Variants in MYLK observed in about 807,000 individuals in gnomAD.
MYLK encodes myosin light chain kinase, smooth muscle.
A neutral mutation model predicts 203.4 loss-of-function variants in MYLK; 106 were observed. The ratio of observed to expected loss-of-function variants is 0.52; its 90% CI spans 0.45 to 0.61. MYLK has a LOEUF of 0.61. Ranked by LOEUF, MYLK falls within the 20% of genes least tolerant of loss-of-function variation. The pLI is 0.00. For missense variants in MYLK, 2,072 were observed against 2,442.3 expected (o/e 0.85, Z 3.20); for synonymous variants, 867 against 959.5 (o/e 0.90, Z 1.78).
At chr3:123,786,881 T>C (rs1052519838) in intron 4 of MYLK, among the ~76,000 whole-genome samples, 13 of 152,246 alleles carry the variant, frequency 8.5e-5, no homozygotes, top group African/African-American at 3.1e-4. Context: ...CTAATATTTG[T>C]ATAAATCATT....
chr3:123,718,420 A>C (rs901322137), intron 13 of MYLK, among the ~76,000 whole-genome samples: 7 of 152,208 alleles, frequency 4.6e-5, no homozygotes, highest in African/African-American at 1.7e-4. Context: ...GTAAAATGAA[A>C]GTGAATTTTC....
intron 4 of MYLK, among the ~76,000 whole-genome samples, chr3:123,755,715 T>C (rs2063339977): frequency 6.6e-6 from 1 of 152,152 alleles, no homozygotes; most frequent in Admixed American, 6.5e-5. Context: ...CAGGTTGCCT[T>C]ATCTGCTGTC....
chr3:123,657,321 A>C lies in MYLK; in HGVS notation c.4093T>G (p.Ser1365Ala). The C allele has an allele frequency of 6.2e-7, 1 of 1,613,868 alleles. No homozygotes were observed. The highest frequency in any genetic ancestry group is 1.1e-5 in the South Asian group (1 of 91,060). ...GAGTCCCAGATCTCGATGCTGTAGG[A>C]CTGTACAGCACTGCCCCCATCATAT... ...SSYDGGSAVQSYSIEIWDSAN... is the reference protein window; with the variant it reads ...SSYDGGSAVQAYSIEIWDSAN... Residue 1365 changes from serine to alanine, a missense_variant, in exon 24 of 34, where the codon TCC becomes GCC. By Grantham distance (99) the Ser-to-Ala change is moderately conservative. Transcript: ENST00000360304.
intron 3 of MYLK, among the ~76,000 whole-genome samples, chr3:123,818,465 C>T (rs562753535): frequency 1.3e-5 from 2 of 152,148 alleles, no homozygotes; most frequent in South Asian, 2.1e-4. Flanking sequence ...CAAGGCAAGT[C>T]GACCACTTGA....
chr3:123,724,179 A>G (rs1399464203), intron 12 of MYLK, among the ~76,000 whole-genome samples: 3 of 108,248 alleles, frequency 2.8e-5, no homozygotes, highest in Non-Finnish European at 5.0e-5. Context: ...AGACAGGTTC[A>G]CTGTGTTGGC....
chr3:123,627,673 T>C (rs1239101935), intron 30 of MYLK, among the ~76,000 whole-genome samples: 2 of 152,254 alleles, frequency 1.3e-5, no homozygotes, highest in African/African-American at 2.4e-5. Flanking sequence ...AAAGGGATTA[T>C]AGATGATTTA....
intron 11 of MYLK, among the ~76,000 whole-genome samples, chr3:123,731,457 C>G (rs1183989477): frequency 1.3e-5 from 2 of 151,974 alleles, no homozygotes; most frequent in Admixed American, 1.3e-4. Context: ...GTACTTTGCT[C>G]CTCTCCCTTC....
chr3:123,702,896 G>A (rs1331679826), intron 16 of MYLK, among the ~76,000 whole-genome samples: 2 of 152,190 alleles, frequency 1.3e-5, no homozygotes, highest in Admixed American at 6.5e-5. Context: ...AGTGGAGGGA[G>A]GGGTTGGGAC....
At chr3:123,730,063 A>G (rs557196129) in intron 11 of MYLK, among the ~76,000 whole-genome samples, 175 of 152,166 alleles carry the variant, frequency 1.2e-3, no homozygotes, top group African/African-American at 3.9e-3. Flanking sequence ...CTCCATCTCT[A>G]CAAATAATAA....
At chr3:123,657,512 G>A in intron 23 of MYLK, 84 bp from the exon 24 acceptor site, 2 of 1,417,334 alleles carry the variant, frequency 1.4e-6, no homozygotes, top group South Asian at 1.2e-5. Flanking sequence ...GTCATGGGGG[G>A]AAGGCAGCCT....
At chr3:123,717,925 G>T (rs1157690714) in intron 13 of MYLK, among the ~76,000 whole-genome samples, 1 of 144,726 alleles carries the variant, frequency 6.9e-6, no homozygotes, top group Non-Finnish European at 1.5e-5. Context: ...GTGTGATTAC[G>T]GCTCACTGCA....
chr3:123,722,910 T>G (rs2062145852), intron 12 of MYLK, among the ~76,000 whole-genome samples: 1 of 151,430 alleles, frequency 6.6e-6, no homozygotes, highest in South Asian at 2.1e-4. Context: ...TAAAAATGAC[T>G]CGGCTCCTTT....
At chr3:123,667,781 C>T (rs139733349) in intron 20 of MYLK, among the ~76,000 whole-genome samples, 1 of 152,110 alleles carries the variant, frequency 6.6e-6, no homozygotes, top group East Asian at 1.9e-4. Context: ...CTCCCATAGC[C>T]CTTTTCGAAG....
In MYLK at chr3:123,614,029, T is replaced by C; in HGVS notation, c.*76A>G. 2.0e-6 allele frequency: 1 copy of C among 511,202 alleles called. No individual in the cohort carries two copies. The highest frequency in any genetic ancestry group is 2.6e-6 in the Non-Finnish European group (1 of 387,672). The allele number at this position is 511,202 out of a possible 1,614,324, so 31.7% of individuals were successfully genotyped here. A position where few individuals can be genotyped will look rare whatever the true frequency, so the allele number is the denominator to read the frequency against. ...CACTAGGTGCTTTTACTATCTTGAGTTTTTTTTTTTTTTTTGAGTTTTAGA... is the reference window on the plus strand; with the variant it reads ...CACTAGGTGCTTTTACTATCTTGAGCTTTTTTTTTTTTTTTGAGTTTTAGA... On this transcript the variant is annotated 3_prime_UTR_variant, in exon 34 of 34. Coordinates refer to ENST00000360304, the MANE Select transcript of MYLK (RefSeq NM_053025.4).
intron 2 of MYLK, among the ~76,000 whole-genome samples, chr3:123,850,804 C>T (rs2030695429): frequency 6.6e-6 from 1 of 152,178 alleles, no homozygotes; most frequent in Non-Finnish European, 1.5e-5. Context: ...GTGTTTTAGA[C>T]ATGAAGTCCT....
chr3:123,615,372 C>T (rs940079887), intron 33 of MYLK, among the ~76,000 whole-genome samples: 1 of 150,130 alleles, frequency 6.7e-6, no homozygotes, highest in African/African-American at 2.4e-5. Context: ...CTCACTCTGT[C>T]GCCCAGGCTG....
chr3:123,707,707 A>G (rs1249257777), intron 16 of MYLK, 47 bp downstream of exon 16: 6 of 1,613,290 alleles, frequency 3.7e-6, no homozygotes, highest in Non-Finnish European at 3.4e-6. Context: ...GGAGCTAGGA[A>G]TTTGGAGGGA....
chr3:123,655,470 G>C (rs992843161), intron 24 of MYLK, among the ~76,000 whole-genome samples: 21 of 152,158 alleles, frequency 1.4e-4, no homozygotes, highest in Non-Finnish European at 1.5e-5. Context: ...TGCCACACTA[G>C]CTTAAACCTT....
At chr3:123,687,140 T>G (rs938025506) in intron 19 of MYLK, among the ~76,000 whole-genome samples, 29 of 152,082 alleles carry the variant, frequency 1.9e-4, no homozygotes, top group Admixed American at 1.8e-3. Flanking sequence ...CAGAATGGCT[T>G]GAATCCAGGA....
Sources: allele counts gnomAD v4.1 joint callset (sites outside exome capture counted in the v4.1 genomes callset), GRCh38; gene constraint gnomAD v4.1.1; transcripts MANE v1.5; gene names NCBI Gene and HGNC (gene_info 2026-07-23, HGNC 2026-07-21).